Variants in KCNAB1 observed in about 807,000 individuals in gnomAD.
KCNAB1 encodes the protein potassium voltage-gated channel subfamily A regulatory beta subunit 1, also known as voltage-gated potassium channel subunit beta-1.
A neutral mutation model predicts 64.6 loss-of-function variants in KCNAB1; 35 were observed. That is an observed-to-expected ratio of 0.54 (90% CI 0.41 to 0.72). KCNAB1 has a LOEUF of 0.72. Ranked by LOEUF, KCNAB1 falls within the 30% of genes least tolerant of loss-of-function variation. The pLI is 0.00. For missense variants in KCNAB1, 401 were observed against 512.9 expected (o/e 0.78, Z 2.11); for synonymous variants, 177 against 183.8 (o/e 0.96, Z 0.30).
chr3:156,146,119 G>A (rs60493153), intron 1 of KCNAB1, among the ~76,000 whole-genome samples: 3,711 of 152,086 alleles, frequency 0.024, 163 homozygotes, highest in African/African-American at 0.084. Context: ...TGGAGACTTC[G>A]TTTTATTTCT....
intron 1 of KCNAB1, among the ~76,000 whole-genome samples, chr3:156,159,006 G>A (rs1034035663): frequency 1.1e-4 from 16 of 152,146 alleles, no homozygotes; most frequent in African/African-American, 3.9e-4. Context: ...TGAGAATGAA[G>A]ACTCAGAATA....
At chr3:156,139,314 G>C (rs991577229) in intron 1 of KCNAB1, among the ~76,000 whole-genome samples, 11 of 152,224 alleles carry the variant, frequency 7.2e-5, no homozygotes, top group African/African-American at 2.6e-4. Flanking sequence ...CTCCTTTCCT[G>C]GGCCCAGTTC....
intron 1 of KCNAB1, among the ~76,000 whole-genome samples, chr3:156,141,171 A>G (rs555269904): frequency 1.3e-5 from 2 of 152,204 alleles, no homozygotes; most frequent in Admixed American, 6.5e-5. Context: ...AAATGATGGT[A>G]TCTTGCCTTG....
At chr3:156,201,605 T>A (rs1270534819) in intron 1 of KCNAB1, among the ~76,000 whole-genome samples, 1 of 152,230 alleles carries the variant, frequency 6.6e-6, no homozygotes, top group Non-Finnish European at 1.5e-5. Flanking sequence ...GGGGCAGGGC[T>A]GGCAGGCTCC....
chr3:156,272,870 C>T (rs1252800231), intron 1 of KCNAB1, among the ~76,000 whole-genome samples: 2 of 152,084 alleles, frequency 1.3e-5, no homozygotes, highest in African/African-American at 4.8e-5. Flanking sequence ...ATGGTGTATA[C>T]TACCTGGTTA....
chr3:156,225,377 A>G (rs1202797459), intron 1 of KCNAB1, among the ~76,000 whole-genome samples: 2 of 152,236 alleles, frequency 1.3e-5, no homozygotes, highest in African/African-American at 2.4e-5. Context: ...ACATTGCTTT[A>G]TGATTAAAAT....
intron 1 of KCNAB1, among the ~76,000 whole-genome samples, chr3:156,202,148 C>T (rs899509608): frequency 3.3e-5 from 5 of 152,174 alleles, no homozygotes; most frequent in African/African-American, 1.2e-4. Context: ...GATGCTTCCA[C>T]ACCAAACCCT....
intron 1 of KCNAB1, among the ~76,000 whole-genome samples, chr3:156,208,889 C>A (rs931666794): frequency 2.6e-5 from 4 of 152,164 alleles, no homozygotes; most frequent in Non-Finnish European, 5.9e-5. Context: ...AATGAGAAAT[C>A]TCAGTTATGG....
At chr3:156,342,585 CTTTTTTTTTTTTTTTTTTTTTTAA>C (rs1212135685) in intron 1 of KCNAB1, among the ~76,000 whole-genome samples, 1 of 86,254 alleles carries the variant, frequency 1.2e-5, no homozygotes, top group Non-Finnish European at 2.5e-5. Flanking sequence ...CTATGTGTTT[CTTTTTTTTTTTTTTTTTTTTTTAA>C]TTTTTTTTTT....
chr3:156,282,262 G>A (rs1217542789), intron 1 of KCNAB1, among the ~76,000 whole-genome samples: 1 of 149,672 alleles, frequency 6.7e-6, no homozygotes, highest in Non-Finnish European at 1.5e-5. Flanking sequence ...CAGTTTCCAT[G>A]CAGTTGAGCG....
intron 1 of KCNAB1, among the ~76,000 whole-genome samples, chr3:156,329,942 C>T (rs1210525838): frequency 6.6e-6 from 1 of 152,104 alleles, no homozygotes; most frequent in African/African-American, 2.4e-5. Context: ...TAATCAACCC[C>T]ACGGAAAATG....
intron 1 of KCNAB1, among the ~76,000 whole-genome samples, chr3:156,377,710 G>A (rs960705378): frequency 1.2e-4 from 19 of 152,146 alleles, no homozygotes; most frequent in African/African-American, 4.1e-4. Flanking sequence ...ATACCTGCAG[G>A]TGTGATATGA....
At chr3:156,522,149 A>G (rs1460721070) in intron 11 of KCNAB1, among the ~76,000 whole-genome samples, 1 of 145,798 alleles carries the variant, frequency 6.9e-6, no homozygotes, top group South Asian at 2.2e-4. Flanking sequence ...CTTTACATGC[A>G]TGGTATATAC....
At chr3:156,477,865 C>A (rs1021425674) in intron 8 of KCNAB1, among the ~76,000 whole-genome samples, 1 of 152,066 alleles carries the variant, frequency 6.6e-6, no homozygotes, top group Non-Finnish European at 1.5e-5. Context: ...AACAAGGTGC[C>A]TGTGTTAGTT....
intron 1 of KCNAB1, among the ~76,000 whole-genome samples, chr3:156,178,865 T>G (rs1028161778): frequency 1.3e-5 from 2 of 151,806 alleles, no homozygotes; most frequent in Non-Finnish European, 2.9e-5. Flanking sequence ...GCCGGGCGTG[T>G]TGGCGGGAGC....
chr3:156,324,555 A>G (rs1038191473), intron 1 of KCNAB1, among the ~76,000 whole-genome samples: 1 of 152,108 alleles, frequency 6.6e-6, no homozygotes, highest in African/African-American at 2.4e-5. Flanking sequence ...TGTGCCAAGG[A>G]TGCTAATTTG....
chr3:156,187,406 A>G (rs1713271585), intron 1 of KCNAB1, among the ~76,000 whole-genome samples: 1 of 152,188 alleles, frequency 6.6e-6, no homozygotes, highest in Non-Finnish European at 1.5e-5. Context: ...TGTGAACTGG[A>G]TAATTCTGCC....
At chr3:156,443,739 TACACAC>T (rs71141708) in intron 2 of KCNAB1, among the ~76,000 whole-genome samples, 4,897 of 141,796 alleles carry the variant, frequency 0.035, 86 homozygotes, top group African/African-American at 0.049. Flanking sequence ...ATTTAGTCCT[TACACAC>T]ACACACACAC....
intron 1 of KCNAB1, among the ~76,000 whole-genome samples, chr3:156,157,747 A>G (rs1715806113): frequency 6.6e-6 from 1 of 152,188 alleles, no homozygotes; most frequent in Non-Finnish European, 1.5e-5. Flanking sequence ...AACAACCAAA[A>G]TGGATACCAT....
Sources: allele counts gnomAD v4.1 joint callset (sites outside exome capture counted in the v4.1 genomes callset), GRCh38; gene constraint gnomAD v4.1.1; transcripts MANE v1.5; gene names NCBI Gene and HGNC (gene_info 2026-07-23, HGNC 2026-07-21).